Variants in RNF138 observed in about 807,000 individuals in gnomAD.
The protein encoded by RNF138 is E3 ubiquitin-protein ligase RNF138.
In RNF138, 12 loss-of-function variants were observed where a neutral mutation model predicts 31.0. That is an observed-to-expected ratio of 0.39 (90% CI 0.25 to 0.63). The LOEUF (loss-of-function observed/expected upper bound fraction) is 0.63. Ranked by LOEUF, RNF138 falls within the 20% of genes least tolerant of loss-of-function variation. The pLI, the probability that RNF138 is intolerant of heterozygous loss-of-function variation, is 0.52. For missense variants in RNF138, 192 were observed against 300.1 expected, an observed-to-expected ratio of 0.64 and a Z score of 2.66; for synonymous variants, 105 against 99.5, an observed-to-expected ratio of 1.06 and a Z score of -0.33.
At chr18:32,113,283 C>G (rs2040163547) in intron 3 of RNF138, among the ~76,000 whole-genome samples, 1 of 152,066 alleles carries the variant, frequency 6.6e-6, no homozygotes, top group Non-Finnish European at 1.5e-5. Flanking sequence ...GTCTTGAACC[C>G]CTGAACTCAA....
chr18:32,112,738 TAGGAAAATC>T (rs1389199844), intron 3 of RNF138, among the ~76,000 whole-genome samples: 1 of 152,190 alleles, frequency 6.6e-6, no homozygotes, highest in African/African-American at 2.4e-5. Context: ...AAGGAACATG[TAGGAAAATC>T]AGGTGTTAAC....
chr18:32,102,056 T>C (rs1258749703), intron 2 of RNF138, among the ~76,000 whole-genome samples: 3 of 150,742 alleles, frequency 2.0e-5, no homozygotes, highest in South Asian at 2.1e-4. Context: ...TTTTTTTTTT[T>C]TTCTTCAGTA....
intron 2 of RNF138, among the ~76,000 whole-genome samples, chr18:32,106,666 G>A (rs1224290679): frequency 2.0e-5 from 3 of 151,790 alleles, no homozygotes; most frequent in Admixed American, 6.6e-5. Context: ...CCAGGTTCAC[G>A]CCATCCTCCT....
chr18:32,092,731 C>T lies in RNF138; in HGVS notation c.-46C>T, dbSNP rs1568219937. On this transcript the variant is annotated 5_prime_UTR_variant, in exon 2 of 8. Coordinates refer to ENST00000261593, the MANE Select transcript of RNF138 (RefSeq NM_016271.5). ...GGGCCCCGGGCCGCCACCGTCACCT[C>T]GGCCGCTGCCGCTGTCGCCATCGCC... 2 of 1,308,924 alleles carry T rather than the reference C, an allele frequency of 1.5e-6. No homozygotes were observed. Among genetic ancestry groups the T allele is most frequent in the East Asian group, 2.5e-5 (1 of 39,850 alleles). The allele number at this position is 1,308,924 out of a possible 1,614,324, so 81.1% of individuals were successfully genotyped here.
intron 2 of RNF138, among the ~76,000 whole-genome samples, chr18:32,111,455 A>G (rs1044898022): frequency 6.6e-6 from 1 of 152,196 alleles, no homozygotes; most frequent in African/African-American, 2.4e-5. Context: ...CCTTTGTACC[A>G]TGCTTCCTCT....
intron 4 of RNF138, among the ~76,000 whole-genome samples, chr18:32,114,928 T>G (rs1191381286): frequency 6.6e-6 from 1 of 152,216 alleles, no homozygotes; most frequent in Non-Finnish European, 1.5e-5. Flanking sequence ...ATTTTCTGAT[T>G]GCCTAGTCTG....
At chr18:32,098,852 CAA>C (rs76852201) in intron 2 of RNF138, among the ~76,000 whole-genome samples, 15 of 58,250 alleles carry the variant, frequency 2.6e-4, no homozygotes, top group Non-Finnish European at 2.9e-4. Context: ...GACTCCGTTT[CAA>C]AAAAAAAAAA....
chr18:32,125,153 G>C (rs2040364834), intron 6 of RNF138: 1 of 213,042 alleles, frequency 4.7e-6, no homozygotes, highest in Admixed American at 5.2e-5. Context: ...TGTCTATTGA[G>C]GCCTCAGTTA....
intron 2 of RNF138, 91 bp from the exon 3 acceptor site, chr18:32,111,663 A>G: frequency 9.7e-7 from 1 of 1,027,862 alleles, no homozygotes. Flanking sequence ...TTTAATATGA[A>G]TACATATTTA....
chr18:32,108,196 T>C (rs2040068842), intron 2 of RNF138, among the ~76,000 whole-genome samples: 1 of 152,108 alleles, frequency 6.6e-6, no homozygotes, highest in Non-Finnish European at 1.5e-5. Context: ...CAGAAACGTG[T>C]CCCTATCACA....
intron 2 of RNF138, among the ~76,000 whole-genome samples, chr18:32,105,089 CAT>C (rs1417693919): frequency 1.3e-5 from 2 of 152,004 alleles, no homozygotes; most frequent in East Asian, 3.9e-4. Flanking sequence ...ATTAAAAAAT[CAT>C]ATGCTTTTTT....
chr18:32,093,647 G>A (rs1393063315), intron 2 of RNF138, among the ~76,000 whole-genome samples: 1 of 152,200 alleles, frequency 6.6e-6, no homozygotes, highest in African/African-American at 2.4e-5. Flanking sequence ...TCTGTTATGA[G>A]GAATGAGCCG....
At chr18:32,104,055 C>T (rs936024247) in intron 2 of RNF138, among the ~76,000 whole-genome samples, 1 of 149,264 alleles carries the variant, frequency 6.7e-6, no homozygotes, top group African/African-American at 2.5e-5. Flanking sequence ...GTTCTGTCGC[C>T]CATGCCAGAG....
intron 1 of RNF138, 71 bp from the exon 2 acceptor site, chr18:32,092,628 CA>C (rs2039715606): frequency 6.2e-6 from 4 of 644,108 alleles, no homozygotes; most frequent in East Asian, 3.0e-5. Context: ...CCGCCCTACC[CA>C]GGGCCCCGCC....
At chr18:32,105,851 C>G (rs927112988) in intron 2 of RNF138, among the ~76,000 whole-genome samples, 1 of 152,178 alleles carries the variant, frequency 6.6e-6, no homozygotes, top group Non-Finnish European at 1.5e-5. Context: ...AGATAGCTTT[C>G]TATGTGACTT....
Position 32,126,111 on chromosome 18 carries a change from A to T in RNF138, c.562-582A>T, listed in dbSNP as rs2040379550. Among the ~76,000 whole-genome samples the T allele has an allele frequency of 2.0e-5, 3 of 151,998 alleles. No homozygotes were observed. In the South Asian group the frequency reaches 6.2e-4, roughly 32 times the overall value. Reference sequence around the variant, plus strand: ...ATGTACTTCATTTAAACGTAAGGATATGGCTGGGTGTGGTGGCACATGCCT... The same window carrying T: ...ATGTACTTCATTTAAACGTAAGGATTTGGCTGGGTGTGGTGGCACATGCCT... On this transcript the variant is annotated intron_variant, in intron 6 of 7. Transcript: ENST00000261593.
intron 2 of RNF138, among the ~76,000 whole-genome samples, chr18:32,094,905 A>C: frequency 6.6e-6 from 1 of 150,398 alleles, no homozygotes; most frequent in Non-Finnish European, 1.5e-5. Flanking sequence ...AGATTGCTCT[A>C]GTCCGCTTCC....
intron 3 of RNF138, among the ~76,000 whole-genome samples, chr18:32,113,267 A>G (rs12965634): frequency 0.019 from 2,930 of 152,236 alleles, 52 homozygotes; most frequent in South Asian, 0.054. Context: ...CATATTGCTC[A>G]GGCTGGTCTT....
chr18:32,118,855 A>G (rs1419491070), intron 4 of RNF138, among the ~76,000 whole-genome samples: 2 of 152,102 alleles, frequency 1.3e-5, no homozygotes, highest in East Asian at 1.9e-4. Context: ...AATAATAATA[A>G]TAATAATCCT....
Sources: gnomAD v4.1 joint callset for allele counts (sites outside exome capture counted in the v4.1 genomes callset) on GRCh38, gnomAD v4.1.1 for gene constraint, MANE v1.5 for transcripts, NCBI Gene and HGNC (gene_info 2026-07-23, HGNC 2026-07-21) for gene names.